The following ARSG variants were observed in gnomAD, a reference collection of about 807,000 sequenced individuals.
ARSG encodes the protein ASG.
A neutral mutation model predicts 50.5 loss-of-function variants in ARSG; 37 were observed. That is an observed-to-expected ratio of 0.73 (90% CI 0.56 to 0.96). The LOEUF is 0.96. Ranked by LOEUF, ARSG falls within the 50% of genes least tolerant of loss-of-function variation. ARSG has a pLI of 0.00. For synonymous variants in ARSG, 225 were observed against 254.6 expected (o/e 0.88, Z 1.11); for missense variants, 629 against 675.3 (o/e 0.93, Z 0.76).
chr17:68,419,347 T>G (rs192441163), intron 11 of ARSG, among the ~76,000 whole-genome samples: 1 of 151,788 alleles, frequency 6.6e-6, no homozygotes, highest in Non-Finnish European at 1.5e-5. Context: ...GATCATGAGG[T>G]TAGGAGTTCG....
At chr17:68,373,508 C>T (rs144340398) in intron 8 of ARSG, among the ~76,000 whole-genome samples, 2 of 152,252 alleles carry the variant, frequency 1.3e-5, no homozygotes, top group Non-Finnish European at 2.9e-5. Flanking sequence ...GGATTACAGG[C>T]GTGAGCCACC....
chr17:68,363,005 G>T (rs2079370992), intron 6 of ARSG, among the ~76,000 whole-genome samples: 1 of 152,154 alleles, frequency 6.6e-6, no homozygotes, highest in Admixed American at 6.6e-5. Flanking sequence ...CTGTGCCAGG[G>T]ATTCAAACGT....
In ARSG at chr17:68,356,725, A is replaced by G. The variant is rs2079050439; in HGVS notation, c.625A>G (p.Ile209Val). The change falls in exon 6 of 12, where the codon ATT becomes GTT. Residue 209 changes from isoleucine (I) to valine (V), a missense_variant. Physicochemically the swap from Ile to Val is conservative, Grantham distance 29. Coordinates refer to ENST00000621439, the MANE Select transcript of ARSG (RefSeq NM_001267727.2). ...VALPLYENLN[I>V]VEQPVNLSSL... ...CCTCCCTCTTTATGAAAACCTCAACATTGTGGAGCAGCCGGTGAACTTGAG... is the reference window on the plus strand; with the variant it reads ...CCTCCCTCTTTATGAAAACCTCAACGTTGTGGAGCAGCCGGTGAACTTGAG... 6.2e-7 allele frequency: 1 copy of G among 1,614,168 alleles called. No homozygotes were observed. The highest frequency in any genetic ancestry group is 1.3e-5 in the African/African-American group (1 of 75,032).
rs1388446393 is a variant in ARSG at position 68,260,402 on chromosome 17, C to A, written c.-552+976C>A. Reference sequence around the variant, plus strand: ...CACGATTAAACTGTCAATTTCTTTTCTGTTCAAGTAGAGTCATCTGGGGTT... The same window carrying A: ...CACGATTAAACTGTCAATTTCTTTTATGTTCAAGTAGAGTCATCTGGGGTT... On this transcript the variant is annotated intron_variant, in intron 1 of 11. Coordinates refer to the ARSG transcript ENST00000448504. 2.0e-5 allele frequency among the ~76,000 whole-genome samples: 3 copies of A among 152,296 alleles called. No individual in the cohort carries two copies. The South Asian group carries it at 6.2e-4, about 32-fold the overall frequency.
the ARSG span, chr17:68,441,169 A>G: frequency 1.6e-4 from 24 of 152,234 alleles, no homozygotes; most frequent in African/African-American, 5.5e-4. Context: ...TTGACTGCTC[A>G]GAGCAGACTG....
chr17:68,333,298 G>C (rs927874415), intron 2 of ARSG, among the ~76,000 whole-genome samples: 4 of 152,156 alleles, frequency 2.6e-5, no homozygotes, highest in Admixed American at 2.6e-4. Context: ...CTCCAGCCTG[G>C]GCGACAGAGC....
downstream of ARSG, among the ~76,000 whole-genome samples, chr17:68,425,226 T>C (rs1056313706): frequency 1.3e-5 from 2 of 152,168 alleles, no homozygotes; most frequent in South Asian, 2.1e-4. Context: ...CTTTTTGAGA[T>C]AGAGTCTCAC....
intron 9 of ARSG, 35 bp from the exon 10 acceptor site, chr17:68,395,038 G>A (rs759672786): frequency 1.2e-6 from 2 of 1,611,826 alleles, no homozygotes; most frequent in Non-Finnish European, 1.7e-6. Flanking sequence ...CGAGTCAGAA[G>A]AGCTGGGGAC....
At chr17:68,331,237 C>CTTTCTTTG (rs1555774222) in intron 2 of ARSG, among the ~76,000 whole-genome samples, 6,812 of 71,760 alleles carry the variant, frequency 0.095, 305 homozygotes, top group East Asian at 0.11. Context: ...TTCTTTGTTT[C>CTTTCTTTG]TTTCTTTCTT....
chr17:68,449,093 A>C, the ARSG span, among the ~76,000 whole-genome samples: 2 of 152,352 alleles, frequency 1.3e-5, no homozygotes, highest in East Asian at 3.9e-4. Context: ...GTTAAAAAAA[A>C]TTAATTAGTA....
chr17:68,379,198 C>T (rs1186222473), intron 8 of ARSG, among the ~76,000 whole-genome samples: 3 of 152,080 alleles, frequency 2.0e-5, no homozygotes, highest in Admixed American at 1.3e-4. Context: ...CTGTAGGCAT[C>T]CTTGGCAAGG....
intron 9 of ARSG, among the ~76,000 whole-genome samples, chr17:68,391,748 G>A (rs541851928): frequency 6.2e-4 from 95 of 152,292 alleles, no homozygotes; most frequent in African/African-American, 2.1e-3. Flanking sequence ...ACTCTGGACA[G>A]GTTTCTGGAC....
intron 2 of ARSG, among the ~76,000 whole-genome samples, chr17:68,321,738 G>A (rs2077291491): frequency 6.6e-6 from 1 of 152,152 alleles, no homozygotes; most frequent in Non-Finnish European, 1.5e-5. Context: ...CTGTCTGGCT[G>A]TGTCTTAATT....
intron 2 of ARSG, among the ~76,000 whole-genome samples, chr17:68,331,199 TTC>T (rs1310305254): frequency 2.9e-5 from 1 of 34,642 alleles, no homozygotes; most frequent in African/African-American, 1.3e-4. Context: ...CTTTCTTTCT[TTC>T]TTTCTTTCTT....
downstream of ARSG, chr17:68,422,588 G>A (rs2082869719): frequency 6.6e-6 from 1 of 151,944 alleles, no homozygotes; most frequent in African/African-American, 2.4e-5. Flanking sequence ...AAATTTAGCT[G>A]GGCATGGTAG....
At chr17:68,442,617 C>T in the ARSG span, among the ~76,000 whole-genome samples, 65 of 152,284 alleles carry the variant, frequency 4.3e-4, no homozygotes, top group African/African-American at 1.4e-3. Context: ...AAACTGAGAG[C>T]CACAGGCAGC....
downstream of ARSG, among the ~76,000 whole-genome samples, chr17:68,423,347 T>A (rs2082935543): frequency 6.6e-6 from 1 of 152,178 alleles, no homozygotes; most frequent in African/African-American, 2.4e-5. The surrounding 1 kb of genome is among the most constrained non-coding windows in gnomAD (Gnocchi z 4.4). Context: ...CCTCTGGTCC[T>A]TACATGGTGA....
chr17:68,342,527 A>T (rs546556570), intron 2 of ARSG, among the ~76,000 whole-genome samples: 68 of 151,604 alleles, frequency 4.5e-4, no homozygotes, highest in African/African-American at 1.5e-3. Context: ...CTAATTTTTT[A>T]AAAAATATTA....
At chr17:68,424,081 G>T (rs1377875817), downstream of ARSG, among the ~76,000 whole-genome samples, 1 of 152,172 alleles carries the variant, frequency 6.6e-6, no homozygotes, top group Non-Finnish European at 1.5e-5. Context: ...GGGTGCAGAA[G>T]AACGCCCTTT....
Sources: allele counts gnomAD v4.1 joint callset (sites outside exome capture counted in the v4.1 genomes callset), GRCh38; gene constraint gnomAD v4.1.1; non-coding constraint Gnocchi (gnomAD v3.1); transcripts MANE v1.5; gene names NCBI Gene and HGNC (gene_info 2026-07-23, HGNC 2026-07-21).